Variants in ZDHHC13 observed in about 807,000 individuals in gnomAD.
ZDHHC13 encodes palmitoyltransferase ZDHHC13.
ZDHHC13 carries 85 observed loss-of-function variants against 86.0 expected under a neutral mutation model. The ratio of observed to expected loss-of-function variants is 0.99; its 90% CI spans 0.83 to 1.18. ZDHHC13 has a LOEUF of 1.18. Among genes scored for constraint, ZDHHC13 ranks in the 50% most tolerant of loss-of-function variants. The pLI is 0.00. For synonymous variants in ZDHHC13, 263 were observed against 246.4 expected (o/e 1.07, Z -0.63); for missense variants, 711 against 730.2 (o/e 0.97, Z 0.30).
At chr11:19,167,133 T>C (rs1199612858) in intron 14 of ZDHHC13, 1 of 152,220 alleles carries the variant, frequency 6.6e-6, no homozygotes, top group African/African-American at 2.4e-5. Flanking sequence ...GTAGTTTATT[T>C]ATTTGGACTT....
intron 1 of ZDHHC13, among the ~76,000 whole-genome samples, chr11:19,130,253 T>C (rs1848966345): frequency 6.6e-6 from 1 of 152,178 alleles, no homozygotes; most frequent in Admixed American, 6.5e-5. Flanking sequence ...AGATATTATG[T>C]TATTTATTAC....
chr11:19,123,662 A>G (rs1192821706), intron 1 of ZDHHC13, among the ~76,000 whole-genome samples: 1 of 152,142 alleles, frequency 6.6e-6, no homozygotes, highest in Non-Finnish European at 1.5e-5. Context: ...CAAAACAAAA[A>G]AGGCTTAATC....
At chr11:19,155,581 C>CA (rs370534138) in intron 8 of ZDHHC13, among the ~76,000 whole-genome samples, 754 of 45,948 alleles carry the variant, frequency 0.016, 6 homozygotes, top group East Asian at 0.093. Context: ...AACTTCATCT[C>CA]AAAAAAAAAA....
At chr11:19,147,475 G>A (rs939377633) in intron 3 of ZDHHC13, 121 bp from the exon 4 acceptor site, 1 of 798,480 alleles carries the variant, frequency 1.3e-6, no homozygotes, top group East Asian at 2.7e-5. Flanking sequence ...GTGTTTTAGG[G>A]ATTATTACTA....
intron 1 of ZDHHC13, among the ~76,000 whole-genome samples, chr11:19,124,453 G>A (rs1848827603): frequency 6.6e-6 from 1 of 152,008 alleles, no homozygotes; most frequent in Non-Finnish European, 1.5e-5. Flanking sequence ...ATTCACTTCT[G>A]TATTGCTAGA....
chr11:19,151,262 G>A (rs2133426810), intron 6 of ZDHHC13, among the ~76,000 whole-genome samples: 1 of 152,090 alleles, frequency 6.6e-6, no homozygotes, highest in African/African-American at 2.4e-5. Context: ...TTCAGATCAG[G>A]CACTTACATA....
intron 1 of ZDHHC13, among the ~76,000 whole-genome samples, chr11:19,138,776 T>G (rs1284889384): frequency 1.3e-5 from 2 of 151,936 alleles, no homozygotes; most frequent in Admixed American, 6.6e-5. Context: ...AATCAATAAA[T>G]GTAATCCAGC....
rs201613634 is a variant in ZDHHC13, at chr11:19,175,918, G to A, written c.1827G>A (p.Met609Ile). 1.1e-4 allele frequency: 178 copies of A among 1,612,178 alleles called. No individual in the cohort carries two copies. In the African/African-American group the frequency reaches 2.1e-3, roughly 19 times the overall value. Residue 609 changes from methionine (M) to isoleucine (I), a missense_variant, in exon 17 of 17, where the codon ATG becomes ATA. Transcript: ENST00000446113. ...TAGATTGGACATCACAGTACACCATGGTCTTTCACCCAGCCAGGGAGAAGG... is the reference window on the plus strand; with the variant it reads ...TAGATTGGACATCACAGTACACCATAGTCTTTCACCCAGCCAGGGAGAAGG... ...CVVDWTSQYTMVFHPAREKVL... is the reference protein window; with the variant it reads ...CVVDWTSQYTIVFHPAREKVL...
chr11:19,173,727 C>G (rs2133489589), intron 16 of ZDHHC13, among the ~76,000 whole-genome samples: 1 of 152,198 alleles, frequency 6.6e-6, no homozygotes, highest in African/African-American at 2.4e-5. Context: ...TAATAAAATC[C>G]CTTTCTTTGT....
intron 1 of ZDHHC13, among the ~76,000 whole-genome samples, chr11:19,124,307 T>G (rs953002742): frequency 8.5e-5 from 13 of 152,108 alleles, no homozygotes; most frequent in African/African-American, 2.7e-4. Context: ...AATGTGGATG[T>G]ATGTATGTAT....
At chr11:19,143,187 A>AG (rs768685716) in intron 2 of ZDHHC13, 64 bp downstream of exon 2, 8 of 1,501,218 alleles carry the variant, frequency 5.3e-6, no homozygotes, top group Non-Finnish European at 7.2e-6. Context: ...ATATATGTGT[A>AG]GTTCATGGAG....
At chr11:19,132,646 C>T (rs1034311624) in intron 1 of ZDHHC13, among the ~76,000 whole-genome samples, 1 of 152,274 alleles carries the variant, frequency 6.6e-6, no homozygotes, top group East Asian at 1.9e-4. Context: ...TCTCAAATTT[C>T]TGTCTCCTCA....
intron 1 of ZDHHC13, among the ~76,000 whole-genome samples, chr11:19,124,652 A>G (rs1028090859): frequency 1.6e-4 from 24 of 152,086 alleles, no homozygotes; most frequent in African/African-American, 5.3e-4. Flanking sequence ...TTCCAATTGA[A>G]TATAATTACT....
intron 1 of ZDHHC13, among the ~76,000 whole-genome samples, chr11:19,132,892 T>C (rs1318514367): frequency 2.0e-5 from 3 of 152,198 alleles, no homozygotes; most frequent in African/African-American, 7.2e-5. Flanking sequence ...AGCAAGAGGT[T>C]AAGTGCAATC....
At chr11:19,123,608 C>T (rs547947177) in intron 1 of ZDHHC13, among the ~76,000 whole-genome samples, 2 of 152,210 alleles carry the variant, frequency 1.3e-5, no homozygotes, top group African/African-American at 4.8e-5. Flanking sequence ...GATGGTGCCA[C>T]TGCACTCCAG....
intron 1 of ZDHHC13, among the ~76,000 whole-genome samples, chr11:19,124,578 T>TTAC (rs1848830306): frequency 1.3e-5 from 2 of 152,188 alleles, no homozygotes. Flanking sequence ...GTTATACCTG[T>TTAC]TACTTATTGA....
chr11:19,117,148 C>A, upstream of ZDHHC13: 6 of 1,305,976 alleles, frequency 4.6e-6, no homozygotes, highest in South Asian at 1.3e-5. This position sits in a 1 kb window ranked among gnomAD's most constrained non-coding sequence, Gnocchi z 4.2. Flanking sequence ...GAGGTGAGGG[C>A]GCCAGCAGGA....
intron 13 of ZDHHC13, among the ~76,000 whole-genome samples, 180 bp from the exon 14 acceptor site, chr11:19,166,122 A>G (rs920973865): frequency 1.3e-5 from 2 of 152,206 alleles, no homozygotes; most frequent in Non-Finnish European, 2.9e-5. Context: ...AACATGGACA[A>G]TTGACTGTGA....
chr11:19,123,332 A>G (rs951516371), intron 1 of ZDHHC13, among the ~76,000 whole-genome samples: 11 of 152,120 alleles, frequency 7.2e-5, no homozygotes, highest in South Asian at 2.1e-4. Context: ...TCTGTGTATA[A>G]ACAAAGGGTC....
Sources: allele counts gnomAD v4.1 joint callset (sites outside exome capture counted in the v4.1 genomes callset), GRCh38; gene constraint gnomAD v4.1.1; non-coding constraint Gnocchi (gnomAD v3.1); transcripts MANE v1.5; gene names NCBI Gene and HGNC (gene_info 2026-07-23, HGNC 2026-07-21).